The following PPP2R2C variants were observed in gnomAD, a reference collection of about 807,000 sequenced individuals.
The protein encoded by PPP2R2C is protein phosphatase 2 regulatory subunit Bgamma.
PPP2R2C carries 10 observed loss-of-function variants against 45.3 expected under a neutral mutation model. That is an observed-to-expected ratio of 0.22 (90% CI 0.14 to 0.37). PPP2R2C has a LOEUF of 0.37. Ranked by LOEUF, PPP2R2C falls within the 10% of genes least tolerant of loss-of-function variation. The pLI is 1.00. For missense variants in PPP2R2C, 308 were observed against 619.7 expected, an observed-to-expected ratio of 0.50 and a Z score of 5.34; for synonymous variants, 257 against 245.4, an observed-to-expected ratio of 1.05 and a Z score of -0.44.
intron 1 of PPP2R2C, among the ~76,000 whole-genome samples, chr4:6,390,319 C>A (rs1248271323): frequency 6.6e-6 from 1 of 152,160 alleles, no homozygotes; most frequent in East Asian, 1.9e-4. Context: ...TAGGTAAGGA[C>A]TCTGCAGGAG....
At chr4:6,381,319 C>T (rs193191931) in intron 1 of PPP2R2C, 199 of 1,519,706 alleles carry the variant, frequency 1.3e-4, no homozygotes, top group Middle Eastern at 6.8e-4. Flanking sequence ...GCAGAGATCT[C>T]GGGACTTGGC....
chr4:6,410,840 GTTTTATTTATTTATTTA>G (rs1490201160), intron 1 of PPP2R2C, among the ~76,000 whole-genome samples: 1 of 132,972 alleles, frequency 7.5e-6, no homozygotes, highest in African/African-American at 2.7e-5. Flanking sequence ...TATTCCCCCT[GTTTTATTTATTTATTTA>G]TTTATTTATT....
intron 1 of PPP2R2C, among the ~76,000 whole-genome samples, chr4:6,438,414 C>G (rs1719993928): frequency 6.6e-6 from 1 of 152,182 alleles, no homozygotes; most frequent in Admixed American, 6.5e-5. Flanking sequence ...GCACCTACCT[C>G]TTAGCTCAGT....
chr4:6,449,147 C>T (rs1244109743), intron 1 of PPP2R2C, among the ~76,000 whole-genome samples: 2 of 152,216 alleles, frequency 1.3e-5, no homozygotes, highest in Non-Finnish European at 2.9e-5. Context: ...AGGCCCCATC[C>T]TCTGACTCTC....
intron 1 of PPP2R2C, among the ~76,000 whole-genome samples, chr4:6,389,218 G>C (rs557002652): frequency 5.3e-5 from 8 of 152,328 alleles, no homozygotes; most frequent in Non-Finnish European, 4.4e-5. Context: ...CGATTCTGTG[G>C]ACTAGGACGT....
intron 5 of PPP2R2C, among the ~76,000 whole-genome samples, chr4:6,366,005 G>A (rs1046875344): frequency 4.6e-5 from 7 of 152,196 alleles, no homozygotes; most frequent in South Asian, 2.1e-4. Flanking sequence ...TAAAGGACGC[G>A]AGAGGTTGCT....
At chr4:6,548,005 G>T (rs1725049939) in intron 1 of PPP2R2C, among the ~76,000 whole-genome samples, 1 of 152,104 alleles carries the variant, frequency 6.6e-6, no homozygotes, top group Non-Finnish European at 1.5e-5. Flanking sequence ...ATCACTTGAG[G>T]TCAGGAGTTC....
chr4:6,501,550 A>G (rs576237152), intron 2 of PPP2R2C, among the ~76,000 whole-genome samples: 1 of 152,318 alleles, frequency 6.6e-6, no homozygotes, highest in East Asian at 1.9e-4. Flanking sequence ...GATGCACATT[A>G]GCACCATTAA....
At chr4:6,508,326 C>T (rs1723307386) in intron 2 of PPP2R2C, among the ~76,000 whole-genome samples, 1 of 152,182 alleles carries the variant, frequency 6.6e-6, no homozygotes, top group South Asian at 2.1e-4. Context: ...GTGGCTCACG[C>T]CTGTAATCCC....
chr4:6,379,798 C>T (rs1449909450), intron 2 of PPP2R2C, among the ~76,000 whole-genome samples: 4 of 152,172 alleles, frequency 2.6e-5, no homozygotes, highest in African/African-American at 7.2e-5. Context: ...GGGGAGTAGC[C>T]GCACTGCACT....
At chr4:6,547,746 A>C (rs79967743) in intron 1 of PPP2R2C, among the ~76,000 whole-genome samples, 2,819 of 152,158 alleles carry the variant, frequency 0.019, 87 homozygotes, top group African/African-American at 0.064. Flanking sequence ...TGCTGAAACA[A>C]CCGGACATCC....
chr4:6,446,519 C>T (rs1031865020), intron 1 of PPP2R2C, among the ~76,000 whole-genome samples: 4 of 152,184 alleles, frequency 2.6e-5, no homozygotes. Flanking sequence ...TATCACTCTT[C>T]TCAAGGTGGC....
In PPP2R2C at chr4:6,472,251, T is replaced by C. The variant is rs772972699; in HGVS notation, c.-22A>G. On this transcript the variant is annotated 5_prime_UTR_variant, in exon 1 of 9. Transcript: ENST00000382599. Reference sequence around the variant, plus strand: ...CCATTGAAGGCCGTGCCCGGTGCTCTGGGCATGCCCCGCCGCCACACACCG... The same window carrying C: ...CCATTGAAGGCCGTGCCCGGTGCTCCGGGCATGCCCCGCCGCCACACACCG... The C allele has an allele frequency of 2.5e-6, 4 of 1,611,494 alleles. No homozygotes were observed. Among genetic ancestry groups the C allele is most frequent in the African/African-American group, 2.7e-5 (2 of 74,788 alleles).
At chr4:6,323,690 C>T in intron 8 of PPP2R2C, 97 bp from the exon 9 acceptor site, 2 of 1,267,900 alleles carry the variant, frequency 1.6e-6, no homozygotes, top group Non-Finnish European at 1.0e-6. Context: ...AATCCCAGGA[C>T]TTTGGGAGGC....
intron 1 of PPP2R2C, among the ~76,000 whole-genome samples, chr4:6,432,035 G>C (rs544239986): frequency 2.6e-5 from 4 of 152,112 alleles, no homozygotes; most frequent in Non-Finnish European, 5.9e-5. Flanking sequence ...TTCATGACCT[G>C]ACCACCTCCC....
At chr4:6,549,665 C>T (rs964910072) in intron 1 of PPP2R2C, among the ~76,000 whole-genome samples, 1 of 152,204 alleles carries the variant, frequency 6.6e-6, no homozygotes, top group South Asian at 2.1e-4. Context: ...GGCTGTGTGA[C>T]CTCACGTAAC....
intron 4 of PPP2R2C, among the ~76,000 whole-genome samples, chr4:6,374,998 A>G (rs532576478): frequency 1.3e-5 from 2 of 152,198 alleles, no homozygotes; most frequent in Admixed American, 6.5e-5. Context: ...AAAATCTCCA[A>G]CGCTGGGAGG....
chr4:6,363,447 C>T (rs60813318), intron 5 of PPP2R2C, among the ~76,000 whole-genome samples: 71,994 of 151,492 alleles, frequency 0.48, 18,454 homozygotes, highest in Non-Finnish European at 0.58. Context: ...GGCGTGGTGG[C>T]GGGCACCTGT....
At chr4:6,497,544 C>A (rs1167887073) in intron 2 of PPP2R2C, among the ~76,000 whole-genome samples, 1 of 152,098 alleles carries the variant, frequency 6.6e-6, no homozygotes, top group African/African-American at 2.4e-5. Context: ...AAGATTTAAC[C>A]ATGAAAAGCA....
Sources: allele counts gnomAD v4.1 joint callset (sites outside exome capture counted in the v4.1 genomes callset), GRCh38; gene constraint gnomAD v4.1.1; transcripts MANE v1.5; gene names NCBI Gene and HGNC (gene_info 2026-07-23, HGNC 2026-07-21).